Variants in TRPM6 observed in about 807,000 individuals in gnomAD.
The protein encoded by TRPM6 is transient receptor potential cation channel subfamily M member 6.
TRPM6 carries 111 observed loss-of-function variants against 247.6 expected under a neutral mutation model. The observed-to-expected ratio is 0.45, with a 90% confidence interval of 0.38 to 0.52. The LOEUF (loss-of-function observed/expected upper bound fraction) is 0.52. Among genes scored for constraint, TRPM6 ranks in the 20% least tolerant of loss-of-function variants. TRPM6 has a pLI of 0.00. For missense variants in TRPM6, 2,126 were observed against 2,421.5 expected (o/e 0.88, Z 2.56); for synonymous variants, 892 against 853.8 (o/e 1.04, Z -0.78).
chr9:74,800,458 G>A lies in TRPM6; in HGVS notation c.2034C>T (p.Asp678=), dbSNP rs1165338958. 1 of 1,613,810 alleles carries A rather than the reference G, an allele frequency of 6.2e-7. No homozygotes were observed. The highest frequency in any genetic ancestry group is 1.3e-5 in the African/African-American group (1 of 74,854). ...TCTGCTTGAATGCCTTCTCCAACAA[G>A]TCCAGAGCCAGCTGGCCAAACTGTC... The part of the protein sequence containing the change: ...YSKQFGQLAL[D]LLEKAFKQNE... The change falls in exon 17 of 39, where the codon GAC becomes GAT. Residue 678 remains aspartate (D), a synonymous_variant. Transcript: ENST00000360774.
chr9:74,855,441 A>G, intron 3 of TRPM6, 86 bp downstream of exon 3: 3 of 930,472 alleles, frequency 3.2e-6, no homozygotes, highest in South Asian at 2.6e-5. Context: ...TTTACTGAGT[A>G]CATTCAAGAT....
intron 17 of TRPM6, among the ~76,000 whole-genome samples, chr9:74,797,766 G>A (rs1828152243): frequency 6.6e-6 from 1 of 152,104 alleles, no homozygotes; most frequent in Non-Finnish European, 1.5e-5. Flanking sequence ...ATCTCTAGGA[G>A]TGGCAGGACA....
chr9:74,887,581 A>G, intron 1 of TRPM6: 2 of 1,504,538 alleles, frequency 1.3e-6, no homozygotes, highest in Admixed American at 2.0e-5. Flanking sequence ...GCCGCATCCC[A>G]GCTCTTGAAA....
chr9:74,829,303 AAT>A (rs1409175066), intron 6 of TRPM6, among the ~76,000 whole-genome samples: 1 of 152,160 alleles, frequency 6.6e-6, no homozygotes, highest in East Asian at 1.9e-4. Flanking sequence ...AAAATAAATA[AAT>A]AAATAAAACA....
intron 36 of TRPM6, among the ~76,000 whole-genome samples, chr9:74,737,075 A>T (rs1231263327): frequency 6.6e-6 from 1 of 152,214 alleles, no homozygotes; most frequent in Non-Finnish European, 1.5e-5. Context: ...GAGCTACAAA[A>T]ATAGATGCCT....
intron 25 of TRPM6, among the ~76,000 whole-genome samples, chr9:74,766,518 T>A (rs1826829894): frequency 6.6e-6 from 1 of 152,248 alleles, no homozygotes; most frequent in African/African-American, 2.4e-5. Context: ...GAGTGCTCAC[T>A]ATGTGCCAAG....
intron 36 of TRPM6, 84 bp downstream of exon 36, chr9:74,738,323 C>T: frequency 7.0e-7 from 1 of 1,420,568 alleles, no homozygotes; most frequent in Non-Finnish European, 9.9e-7. Context: ...AGAGCAACTC[C>T]ATATATTACC....
chr9:74,779,919 A>C (rs915470901), intron 23 of TRPM6, among the ~76,000 whole-genome samples: 1 of 152,196 alleles, frequency 6.6e-6, no homozygotes, highest in African/African-American at 2.4e-5. Context: ...CACACCTGTA[A>C]TCCCAGCACT....
Position 74,792,714 on chromosome 9 carries a change from A to G in TRPM6, c.2448T>C (p.Phe816=), listed in dbSNP as rs750666296. 3.5e-5 allele frequency: 56 copies of G among 1,613,846 alleles called. No individual in the cohort carries two copies. The South Asian group carries it at 6.0e-4, about 17-fold the overall frequency. The change falls in exon 19 of 39, where the codon TTT becomes TTC. Residue 816 remains phenylalanine (F), a synonymous_variant. Coordinates refer to ENST00000360774, the MANE Select transcript of TRPM6 (RefSeq NM_017662.5). ...GGTGTTGGTGCCCACTTTCCAAACC[A>G]AAATGCTGATTTTCATCCAGTTTCT... is the stretch of plus-strand genomic sequence containing the variant. ...HDEKLDENQH[F]GLESGHQHLP... is the part of the protein sequence containing the mutation.
At chr9:74,765,295 A>G (rs1826790902) in intron 25 of TRPM6, among the ~76,000 whole-genome samples, 2 of 151,898 alleles carry the variant, frequency 1.3e-5, no homozygotes. Context: ...TAGTTAAAAT[A>G]TATTTACAAA....
chr9:74,758,044 C>T (rs558852123), intron 27 of TRPM6, among the ~76,000 whole-genome samples: 4 of 152,024 alleles, frequency 2.6e-5, no homozygotes, highest in Non-Finnish European at 5.9e-5. Flanking sequence ...AATTAAACAA[C>T]TTAAACAAAA....
At chr9:74,865,832 C>G (rs534311071) in intron 1 of TRPM6, among the ~76,000 whole-genome samples, 14 of 152,112 alleles carry the variant, frequency 9.2e-5, no homozygotes, top group Non-Finnish European at 1.6e-4. Flanking sequence ...TATTCACAGG[C>G]GTGATCACAG....
intron 3 of TRPM6, among the ~76,000 whole-genome samples, chr9:74,850,521 A>G (rs920993722): frequency 1.2e-4 from 19 of 152,162 alleles, no homozygotes; most frequent in African/African-American, 4.1e-4. Flanking sequence ...GGAGTTCAAG[A>G]CCAGCCTGGC....
chr9:74,724,272 C>T lies in TRPM6; in HGVS notation c.*341G>A. The T allele has an allele frequency of 2.9e-6, 1 of 349,702 alleles. No homozygotes were observed. Among genetic ancestry groups the T allele is most frequent in the Non-Finnish European group, 5.4e-6 (1 of 184,952 alleles). The allele number at this position is 349,702 out of a possible 1,614,324, so 21.7% of individuals were successfully genotyped here. ...AGTGAGAAAATAAAATAAATGTATC[C>T]CCCCCAACCCCATCCTTTAATGTGC... On this transcript the variant is annotated 3_prime_UTR_variant, in exon 39 of 39. Transcript: ENST00000360774.
At chr9:74,818,089 C>A (rs1342874729) in intron 9 of TRPM6, among the ~76,000 whole-genome samples, 1 of 152,156 alleles carries the variant, frequency 6.6e-6, no homozygotes. Flanking sequence ...CTATCACCTG[C>A]AAGCCCTTTG....
At chr9:74,755,562 GTGTC>G in intron 27 of TRPM6, 89 bp from the exon 28 acceptor site, 2 of 1,536,416 alleles carry the variant, frequency 1.3e-6, no homozygotes, top group Non-Finnish European at 1.8e-6. Context: ...GTGAAGGGCA[GTGTC>G]TGTTAACACT....
intron 7 of TRPM6, among the ~76,000 whole-genome samples, chr9:74,825,906 C>T (rs1178965278): frequency 1.3e-5 from 2 of 152,096 alleles, no homozygotes; most frequent in Non-Finnish European, 2.9e-5. Flanking sequence ...CTCTGCTCTG[C>T]TGGTCTCCCT....
intron 19 of TRPM6, among the ~76,000 whole-genome samples, chr9:74,791,403 G>T (rs1037061614): frequency 5.3e-5 from 8 of 151,922 alleles, no homozygotes; most frequent in Admixed American, 4.6e-4. Context: ...CAAACTCTTG[G>T]CCATGAGCTA....
At chr9:74,811,004 C>T in intron 12 of TRPM6, 136 bp from the exon 13 acceptor site, 1 of 684,230 alleles carries the variant, frequency 1.5e-6, no homozygotes, top group Non-Finnish European at 2.6e-6. Flanking sequence ...AATGCTTAAG[C>T]CAATTAATTC....
Sources: gnomAD v4.1 joint callset for allele counts (sites outside exome capture counted in the v4.1 genomes callset) on GRCh38, gnomAD v4.1.1 for gene constraint, MANE v1.5 for transcripts, NCBI Gene and HGNC (gene_info 2026-07-23, HGNC 2026-07-21) for gene names.